CPM: variants seen among roughly 807,000 people sequenced by gnomAD.
CPM encodes carboxypeptidase M.
A neutral mutation model predicts 46.4 loss-of-function variants in CPM; 35 were observed. That is an observed-to-expected ratio of 0.75 (90% confidence interval 0.58 to 1.00). The LOEUF (loss-of-function observed/expected upper bound fraction) is 1.00. Ranked by LOEUF, CPM falls within the 50% of genes least tolerant of loss-of-function variation. CPM has a pLI of 0.00. For synonymous variants in CPM, 195 were observed against 195.3 expected, an observed-to-expected ratio of 1.00 and a Z score of 0.01; for missense variants, 422 against 530.4, an observed-to-expected ratio of 0.80 and a Z score of 2.01.
intron 7 of CPM, among the ~76,000 whole-genome samples, chr12:68,865,737 A>G (rs1317125352): frequency 6.6e-6 from 1 of 152,020 alleles, no homozygotes; most frequent in East Asian, 1.9e-4. Context: ...AGATAACTTC[A>G]CCTCTGTAAA....
intron 2 of CPM, among the ~76,000 whole-genome samples, chr12:68,929,599 A>G (rs1413354032): frequency 6.6e-6 from 1 of 152,224 alleles, no homozygotes; most frequent in Non-Finnish European, 1.5e-5. Context: ...AGATGTGTTT[A>G]ACTTTTGTGT....
At chr12:68,883,169 A>T (rs545871595) in intron 3 of CPM, among the ~76,000 whole-genome samples, 2 of 152,354 alleles carry the variant, frequency 1.3e-5, no homozygotes, top group African/African-American at 4.8e-5. Flanking sequence ...CAGACCCTGA[A>T]GTCAGGTCAA....
At chr12:68,925,135 G>T (rs1888206146) in intron 2 of CPM, among the ~76,000 whole-genome samples, 1 of 152,136 alleles carries the variant, frequency 6.6e-6, no homozygotes, top group Non-Finnish European at 1.5e-5. Flanking sequence ...ATTGATTTAT[G>T]ACTAGTGTAA....
chr12:68,890,067 A>T (rs765954383), intron 2 of CPM, among the ~76,000 whole-genome samples: 26 of 152,008 alleles, frequency 1.7e-4, no homozygotes, highest in Non-Finnish European at 2.6e-4. Context: ...GTTGCTTCAC[A>T]CCGCCTCGTG....
At chr12:68,908,710 G>A (rs1210455540) in intron 2 of CPM, among the ~76,000 whole-genome samples, 1 of 152,082 alleles carries the variant, frequency 6.6e-6, no homozygotes, top group Non-Finnish European at 1.5e-5. Context: ...TATGACCTTG[G>A]GGGAAAGAGG....
intron 1 of CPM, among the ~76,000 whole-genome samples, chr12:68,944,710 G>A (rs1017039390): frequency 9.4e-6 from 1 of 106,566 alleles, no homozygotes; most frequent in African/African-American, 4.0e-5. Context: ...CCTTCACCTT[G>A]TTTTTTGTTT....
At chr12:68,962,929 T>C (rs917289852) in intron 1 of CPM, among the ~76,000 whole-genome samples, 2 of 152,260 alleles carry the variant, frequency 1.3e-5, no homozygotes, top group Non-Finnish European at 2.9e-5. Context: ...CCCACCTTTC[T>C]GGACCAAACC....
chr12:68,955,506 G>C (rs1565811012), intron 1 of CPM, among the ~76,000 whole-genome samples: 2 of 67,794 alleles, frequency 3.0e-5, no homozygotes, highest in African/African-American at 4.9e-5. Context: ...TGTGGGGGTG[G>C]GGGGGGCATG....
intron 2 of CPM, among the ~76,000 whole-genome samples, chr12:68,931,744 C>CAAAAAAAAAAAAA (rs1230893187): frequency 2.8e-5 from 1 of 36,178 alleles, no homozygotes; most frequent in Non-Finnish European, 5.6e-5. Flanking sequence ...AGACTCTGAC[C>CAAAAAAAAAAAAA]AAAAAAAAAA....
intron 1 of CPM, among the ~76,000 whole-genome samples, chr12:68,945,320 G>A (rs1329462628): frequency 6.6e-6 from 1 of 152,182 alleles, no homozygotes; most frequent in African/African-American, 2.4e-5. Flanking sequence ...CCAGGAATTA[G>A]CAAAGACAGC....
At chr12:68,872,453 A>G (rs1338395947) in intron 3 of CPM, among the ~76,000 whole-genome samples, 1 of 152,032 alleles carries the variant, frequency 6.6e-6, no homozygotes, top group Non-Finnish European at 1.5e-5. Context: ...GGGTTTCACT[A>G]TGTTGGCCAG....
intron 1 of CPM, 65 bp downstream of exon 1, chr12:68,933,077 C>A: frequency 2.4e-6 from 1 of 425,062 alleles, no homozygotes; most frequent in Non-Finnish European, 4.2e-6. Context: ...TCCTCCTCCT[C>A]CTGGCGCCTC....
chr12:68,944,858 G>C (rs117743406), intron 1 of CPM, among the ~76,000 whole-genome samples: 3,955 of 152,088 alleles, frequency 0.026, 97 homozygotes, highest in Middle Eastern at 0.041. Flanking sequence ...TAGGTAATGG[G>C]TACTGCTGAT....
At chr12:68,954,333 A>G (rs1008530028) in intron 1 of CPM, among the ~76,000 whole-genome samples, 2 of 152,238 alleles carry the variant, frequency 1.3e-5, no homozygotes, top group Non-Finnish European at 2.9e-5. Context: ...AAACTGCCCT[A>G]TAAAGGTTGC....
At chr12:68,885,553 C>A (rs946040373) in intron 3 of CPM, among the ~76,000 whole-genome samples, 1 of 152,162 alleles carries the variant, frequency 6.6e-6, no homozygotes, top group Non-Finnish European at 1.5e-5. Flanking sequence ...AAACACAAAA[C>A]AAGCTCCAGC....
At chr12:68,949,361 A>G (rs1211789655) in intron 1 of CPM, among the ~76,000 whole-genome samples, 3 of 152,100 alleles carry the variant, frequency 2.0e-5, no homozygotes, top group Non-Finnish European at 4.4e-5. Flanking sequence ...ACGGAGCAAA[A>G]CCCTGTCTCA....
At chr12:68,962,758 G>A (rs552844180) in intron 1 of CPM, among the ~76,000 whole-genome samples, 9 of 152,296 alleles carry the variant, frequency 5.9e-5, no homozygotes, top group African/African-American at 2.2e-4. Context: ...TTTACAATCT[G>A]TTCTCTCTGA....
intron 3 of CPM, among the ~76,000 whole-genome samples, chr12:68,879,160 C>T (rs1886083449): frequency 6.6e-6 from 1 of 152,132 alleles, no homozygotes; most frequent in Non-Finnish European, 1.5e-5. Flanking sequence ...TGCATTCTAG[C>T]CTGCGTTACA....
upstream of CPM, chr12:68,933,178 G>C (rs536514863): frequency 2.5e-5 from 4 of 162,840 alleles, no homozygotes; most frequent in South Asian, 1.8e-4. Context: ...ACCCGCGGCC[G>C]CCCGGCGGGG....
Sources: gnomAD v4.1 joint callset for allele counts (sites outside exome capture counted in the v4.1 genomes callset) on GRCh38, gnomAD v4.1.1 for gene constraint, MANE v1.5 for transcripts, NCBI Gene and HGNC (gene_info 2026-07-23, HGNC 2026-07-21) for gene names.